KLHL14: variants seen among roughly 807,000 people sequenced by gnomAD.
The protein encoded by KLHL14 is kelch like family member 14, also known as kelch-like protein 14.
A neutral mutation model predicts 64.3 loss-of-function variants in KLHL14; 22 were observed. That is an observed-to-expected ratio of 0.34 (90% CI 0.24 to 0.49). The LOEUF (loss-of-function observed/expected upper bound fraction) is 0.49, where lower values mean the gene tolerates loss of function less well. Ranked by LOEUF, KLHL14 falls within the 20% of genes least tolerant of loss-of-function variation. The probability of loss-of-function intolerance (pLI) is 0.99; values close to 1 mark genes in which losing one functional copy is unlikely to be tolerated. For missense variants in KLHL14, 661 were observed against 789.0 expected (o/e 0.84, Z 1.94); for synonymous variants, 322 against 333.4 (o/e 0.97, Z 0.37).
At chr18:32,725,643 G>C (rs1241325847) in intron 3 of KLHL14, among the ~76,000 whole-genome samples, 2 of 152,186 alleles carry the variant, frequency 1.3e-5, no homozygotes, top group Non-Finnish European at 2.9e-5. Flanking sequence ...CTGTGAGCTA[G>C]GCATGGGGGA....
intron 3 of KLHL14, among the ~76,000 whole-genome samples, chr18:32,732,952 T>C (rs2050144189): frequency 6.6e-6 from 1 of 152,150 alleles, no homozygotes; most frequent in African/African-American, 2.4e-5. Flanking sequence ...AGGGAAGAGG[T>C]TGAAAACAGA....
intron 7 of KLHL14, among the ~76,000 whole-genome samples, chr18:32,678,990 C>T (rs1236419910): frequency 6.6e-6 from 1 of 152,082 alleles, no homozygotes; most frequent in African/African-American, 2.4e-5. Context: ...AAAGTTAATA[C>T]AAAACATGTC....
intron 2 of KLHL14, among the ~76,000 whole-genome samples, chr18:32,755,886 T>C (rs1392085859): frequency 6.6e-6 from 1 of 152,236 alleles, no homozygotes; most frequent in Non-Finnish European, 1.5e-5. Flanking sequence ...CTCTACTAGC[T>C]TTACATTACT....
chr18:32,750,709 AT>A (rs758791651), intron 2 of KLHL14, among the ~76,000 whole-genome samples: 3 of 152,228 alleles, frequency 2.0e-5, no homozygotes, highest in Admixed American at 6.5e-5. Context: ...GCTATATTCT[AT>A]AGTTTCTAGA....
intron 3 of KLHL14, among the ~76,000 whole-genome samples, chr18:32,730,995 A>T (rs2050134519): frequency 6.6e-6 from 1 of 152,154 alleles, no homozygotes; most frequent in Admixed American, 6.5e-5. Flanking sequence ...ACCATCCTTA[A>T]TCCCAGCTAA....
chr18:32,760,895 G>A (rs2050310696), intron 2 of KLHL14, among the ~76,000 whole-genome samples: 1 of 152,156 alleles, frequency 6.6e-6, no homozygotes, highest in African/African-American at 2.4e-5. Flanking sequence ...TCCTTCTGAT[G>A]CCCTTGGTTT....
At position 32,693,610 on chromosome 18, in the gene KLHL14, C is replaced by T. The variant is rs374549166; in HGVS notation, c.1159+1853G>A. On this transcript the variant is annotated intron_variant, in intron 4 of 8. Coordinates refer to ENST00000359358, the MANE Select transcript of KLHL14 (RefSeq NM_020805.3). ...TAATACTTTTCAAAAGCACACAATG[C>T]CTCAGTACTTTGGTCTAAAGAATTT... is the stretch of plus-strand genomic sequence containing the variant. Among the ~76,000 whole-genome samples the T allele has an allele frequency of 9.9e-5, 15 of 152,268 alleles. No individual in the cohort carries two copies. In the East Asian group the frequency reaches 2.5e-3, roughly 26 times the overall value.
At chr18:32,694,205 C>T in intron 4 of KLHL14, among the ~76,000 whole-genome samples, 1 of 152,172 alleles carries the variant, frequency 6.6e-6, no homozygotes, top group South Asian at 2.1e-4. Context: ...ACCTGGCCTT[C>T]AAAAAGAATG....
At chr18:32,699,691 G>C (rs760426138) in intron 3 of KLHL14, among the ~76,000 whole-genome samples, 26 of 152,084 alleles carry the variant, frequency 1.7e-4, no homozygotes, top group Non-Finnish European at 3.1e-4. Flanking sequence ...AGTGTTCAGT[G>C]ATGGTGTTTC....
intron 3 of KLHL14, among the ~76,000 whole-genome samples, chr18:32,721,465 G>C (rs994003104): frequency 6.6e-6 from 1 of 152,086 alleles, no homozygotes; most frequent in Non-Finnish European, 1.5e-5. Context: ...TTTCAAACTG[G>C]AATTATTTTA....
intron 3 of KLHL14, among the ~76,000 whole-genome samples, chr18:32,715,691 A>T (rs1315856701): frequency 1.3e-5 from 2 of 152,306 alleles, no homozygotes; most frequent in African/African-American, 4.8e-5. Context: ...AATACGGGTG[A>T]TCTTTTTTGA....
At chr18:32,745,128 C>T (rs1256157352) in intron 2 of KLHL14, 2 of 152,212 alleles carry the variant, frequency 1.3e-5, no homozygotes, top group Non-Finnish European at 2.9e-5. Context: ...TGATGTATGG[C>T]TTTCTTAGTG....
chr18:32,769,222 G>T (rs1173785458), intron 2 of KLHL14, among the ~76,000 whole-genome samples: 1 of 152,186 alleles, frequency 6.6e-6, no homozygotes, highest in Non-Finnish European at 1.5e-5. Flanking sequence ...AACTGAGGAG[G>T]GGTGGGGTGG....
chr18:32,752,140 A>G (rs565682595), intron 2 of KLHL14, among the ~76,000 whole-genome samples: 1 of 152,302 alleles, frequency 6.6e-6, no homozygotes, highest in Admixed American at 6.5e-5. Context: ...AAAACAAAAC[A>G]AAACAAACAA....
At chr18:32,753,022 TTAA>T (rs1272845076) in intron 2 of KLHL14, among the ~76,000 whole-genome samples, 1 of 151,750 alleles carries the variant, frequency 6.6e-6, no homozygotes, top group Non-Finnish European at 1.5e-5. Context: ...AGTGATTCTA[TTAA>T]TAAGATGCAA....
intron 3 of KLHL14, among the ~76,000 whole-genome samples, chr18:32,721,353 C>T (rs1409195263): frequency 1.3e-5 from 2 of 152,152 alleles, no homozygotes; most frequent in Non-Finnish European, 2.9e-5. Context: ...CACTCTGATA[C>T]CCCTGTGCCA....
chr18:32,758,256 G>T (rs2050293395), intron 2 of KLHL14, among the ~76,000 whole-genome samples: 1 of 151,962 alleles, frequency 6.6e-6, no homozygotes, highest in Non-Finnish European at 1.5e-5. Flanking sequence ...TGAGTATCTG[G>T]AACTATAAGC....
intron 3 of KLHL14, among the ~76,000 whole-genome samples, chr18:32,726,894 C>T (rs2050110855): frequency 6.6e-6 from 1 of 152,172 alleles, no homozygotes; most frequent in South Asian, 2.1e-4. Flanking sequence ...GCAGAATAAA[C>T]ATCCTGTTAT....
chr18:32,718,643 A>G (rs1355454874), intron 3 of KLHL14, among the ~76,000 whole-genome samples: 1 of 152,236 alleles, frequency 6.6e-6, no homozygotes, highest in Admixed American at 6.5e-5. Flanking sequence ...ACAGATTTCC[A>G]TTAATATTTG....
Sources: allele counts gnomAD v4.1 joint callset (sites outside exome capture counted in the v4.1 genomes callset), GRCh38; gene constraint gnomAD v4.1.1; transcripts MANE v1.5; gene names NCBI Gene and HGNC (gene_info 2026-07-23, HGNC 2026-07-21).